The following FYB1 variants were observed in gnomAD, a reference collection of about 807,000 sequenced individuals.
FYB1 encodes the protein FYN binding protein 1.
In FYB1, 41 loss-of-function variants were observed where a neutral mutation model predicts 94.1. The observed-to-expected ratio is 0.44, with a 90% confidence interval of 0.34 to 0.57. The LOEUF (loss-of-function observed/expected upper bound fraction) is 0.57, where lower values mean the gene tolerates loss of function less well. FYB1 is among the 20% of genes least tolerant of loss of function. The pLI is 0.02. For synonymous variants in FYB1, 367 were observed against 353.2 expected, an observed-to-expected ratio of 1.04 and a Z score of -0.44; for missense variants, 1,050 against 976.8, an observed-to-expected ratio of 1.07 and a Z score of -1.00.
chr5:39,255,092 C>A (rs928997383), intron 1 of FYB1, among the ~76,000 whole-genome samples: 3 of 152,100 alleles, frequency 2.0e-5, no homozygotes, highest in African/African-American at 4.8e-5. Flanking sequence ...AACAATTTAT[C>A]ATCACATGCA....
At chr5:39,250,001 G>T (rs1362920620) in intron 1 of FYB1, among the ~76,000 whole-genome samples, 1 of 152,132 alleles carries the variant, frequency 6.6e-6, no homozygotes, top group Non-Finnish European at 1.5e-5. Flanking sequence ...GTTCTCATGA[G>T]ATCTGATGGT....
At chr5:39,216,268 ATAATACGATTTT>A (rs1319385376) in intron 1 of FYB1, among the ~76,000 whole-genome samples, 1 of 152,220 alleles carries the variant, frequency 6.6e-6, no homozygotes, top group African/African-American at 2.4e-5. Flanking sequence ...GTGTGTGTGT[ATAATACGATTTT>A]TAATATTGCA....
At chr5:39,268,421 G>GTAAAAAT (rs1386542395) in intron 1 of FYB1, among the ~76,000 whole-genome samples, 1 of 151,768 alleles carries the variant, frequency 6.6e-6, no homozygotes, top group Non-Finnish European at 1.5e-5. Flanking sequence ...ATTTTTTATA[G>GTAAAAAT]AGATGACATC....
In FYB1 at chr5:39,259,388, A is replaced by G. The variant is rs144121834; in HGVS notation, c.-28+15015T>C. On this transcript the variant is annotated intron_variant, in intron 1 of 1. Coordinates refer to the FYB1 transcript ENST00000510188. ...GTAACGAGTATGCGAAATGTCCAGA[A>G]TTACTGTGGGCCTGAATCATCCAGA... Among the ~76,000 whole-genome samples the G allele has an allele frequency of 7.9e-5, 12 of 152,342 alleles. No individual in the cohort carries two copies. In the East Asian group the frequency reaches 2.3e-3, roughly 29 times the overall value.
chr5:39,181,653 C>A (rs1033947047), intron 2 of FYB1, among the ~76,000 whole-genome samples: 1 of 152,096 alleles, frequency 6.6e-6, no homozygotes, highest in Non-Finnish European at 1.5e-5. Context: ...ATGGTCCTCC[C>A]CTGAATCCTG....
chr5:39,134,231 A>C lies in FYB1; in HGVS notation c.1794T>G (p.Val598=), dbSNP rs1181158372. The C allele has an allele frequency of 1.9e-6, 3 of 1,612,186 alleles. No homozygotes were observed. In the Admixed American group the frequency reaches 5.0e-5, roughly 27 times the overall value. Residue 598 remains valine, a synonymous_variant, in exon 9 of 19, where the codon GTT becomes GTG. Transcript: ENST00000512982. ...ACCTGCTAATATCATCCTGCTCTGC[A>C]ACATCATCATATACTTCTTGGTCAT... The part of the protein sequence containing the change: ...IEDDQEVYDD[V]AEQDDISSHS...
At chr5:39,243,937 CTGTT>C (rs1202333333) in intron 1 of FYB1, among the ~76,000 whole-genome samples, 12 of 152,114 alleles carry the variant, frequency 7.9e-5, no homozygotes, top group African/African-American at 1.7e-4. Context: ...ATTTAGCTCT[CTGTT>C]TGTCTGTTAT....
chr5:39,199,740 T>C (rs1324708104), intron 2 of FYB1, among the ~76,000 whole-genome samples: 2 of 152,094 alleles, frequency 1.3e-5, no homozygotes, highest in Non-Finnish European at 2.9e-5. Flanking sequence ...GTGGTTTCTA[T>C]GGGGTAGGGG....
intron 2 of FYB1, among the ~76,000 whole-genome samples, chr5:39,182,037 T>C (rs1746287447): frequency 6.6e-6 from 1 of 152,202 alleles, no homozygotes. Context: ...CTCCTGCTAC[T>C]AGAAGAATTC....
intron 2 of FYB1, among the ~76,000 whole-genome samples, chr5:39,172,665 G>A (rs1042434285): frequency 6.6e-6 from 1 of 152,058 alleles, no homozygotes; most frequent in African/African-American, 2.4e-5. Context: ...TGTATTCAGT[G>A]TTTAGCTCTT....
intron 1 of FYB1, among the ~76,000 whole-genome samples, chr5:39,214,387 G>C (rs1749677688): frequency 6.6e-6 from 1 of 152,170 alleles, no homozygotes; most frequent in South Asian, 2.1e-4. Flanking sequence ...TTCCACTTCT[G>C]GTGTATACCC....
chr5:39,269,401 G>A (rs1752573261), intron 1 of FYB1, among the ~76,000 whole-genome samples: 1 of 152,170 alleles, frequency 6.6e-6, no homozygotes, highest in South Asian at 2.1e-4. Flanking sequence ...ACTTGGAAAC[G>A]TAGAGGGATT....
intron 16 of FYB1, among the ~76,000 whole-genome samples, chr5:39,111,486 A>C (rs1739074868): frequency 6.6e-6 from 1 of 151,926 alleles, no homozygotes. Context: ...TAAACATGAA[A>C]ATATTTTTTA....
intron 12 of FYB1, 97 bp from the exon 13 acceptor site, chr5:39,124,375 G>T: frequency 1.5e-6 from 1 of 663,674 alleles, no homozygotes; most frequent in Non-Finnish European, 2.4e-6. Context: ...ATAGCCTAGA[G>T]GCATATTGGG....
At chr5:39,200,337 A>G (rs1265415314) in intron 2 of FYB1, among the ~76,000 whole-genome samples, 1 of 152,230 alleles carries the variant, frequency 6.6e-6, no homozygotes, top group East Asian at 1.9e-4. Context: ...TGTTACCACC[A>G]TGCTCTGCCA....
chr5:39,246,537 C>T (rs555978678), intron 1 of FYB1, among the ~76,000 whole-genome samples: 2 of 152,212 alleles, frequency 1.3e-5, no homozygotes, highest in East Asian at 3.9e-4. Flanking sequence ...AAAATATTTC[C>T]TGCCATGAAA....
Position 39,107,363 on chromosome 5 carries a change from G to A in FYB1, c.*80C>T, listed in dbSNP as rs559508737. 3.2e-6 allele frequency: 3 copies of A among 942,998 alleles called. No individual in the cohort carries two copies. Among genetic ancestry groups the A allele is most frequent in the South Asian group, 2.1e-5 (1 of 46,896 alleles). 58.4% of individuals were successfully genotyped at this position (942,998 alleles called of 1,614,324 possible). A position where few individuals can be genotyped will look rare whatever the true frequency, so the allele number is the denominator to read the frequency against. On this transcript the variant is annotated 3_prime_UTR_variant, in exon 19 of 19. Transcript: ENST00000512982. ...AGTGGTTTTGTGCATTAATTTTCTT[G>A]ATACCCAATAACATGCCAATTAAAA...
intron 13 of FYB1, among the ~76,000 whole-genome samples, chr5:39,123,663 A>G (rs1740344736): frequency 6.6e-6 from 1 of 152,156 alleles, no homozygotes; most frequent in Non-Finnish European, 1.5e-5. Context: ...TAATATACTT[A>G]TAAGTTAAAA....
chr5:39,258,825 T>G (rs961099211), intron 1 of FYB1, among the ~76,000 whole-genome samples: 1 of 152,018 alleles, frequency 6.6e-6, no homozygotes, highest in Non-Finnish European at 1.5e-5. Context: ...AATCTTTCTG[T>G]TTTGGAAAGA....
Sources: allele counts gnomAD v4.1 joint callset (sites outside exome capture counted in the v4.1 genomes callset), GRCh38; gene constraint gnomAD v4.1.1; transcripts MANE v1.5; gene names NCBI Gene and HGNC (gene_info 2026-07-23, HGNC 2026-07-21).